The following CYP7B1 variants were observed in gnomAD, a reference collection of about 807,000 sequenced individuals.
CYP7B1 encodes the protein cytochrome P450 7B1.
Under a neutral mutation model 42.7 loss-of-function variants are expected in CYP7B1, and 29 were observed. The ratio of observed to expected loss-of-function variants is 0.68; its 90% CI spans 0.51 to 0.93. The LOEUF (loss-of-function observed/expected upper bound fraction) is 0.93. Ranked by LOEUF, CYP7B1 falls within the 40% of genes least tolerant of loss-of-function variation. The pLI, the probability that CYP7B1 is intolerant of heterozygous loss-of-function variation, is 0.00. For missense variants in CYP7B1, 655 were observed against 600.5 expected, an observed-to-expected ratio of 1.09 and a Z score of -0.95; for synonymous variants, 235 against 218.2, an observed-to-expected ratio of 1.08 and a Z score of -0.68.
At chr8:64,720,835 T>C (rs982899350) in intron 1 of CYP7B1, among the ~76,000 whole-genome samples, 2 of 152,110 alleles carry the variant, frequency 1.3e-5, no homozygotes, top group African/African-American at 4.8e-5. Context: ...GGTCTCTGGG[T>C]AATGAAAGTG....
chr8:64,654,757 C>T (rs957660222), intron 1 of CYP7B1, among the ~76,000 whole-genome samples: 9 of 152,130 alleles, frequency 5.9e-5, no homozygotes, highest in Non-Finnish European at 1.0e-4. Context: ...CATCACATAA[C>T]GCAACTTCAA....
intron 1 of CYP7B1, among the ~76,000 whole-genome samples, chr8:64,641,602 G>C (rs1410191295): frequency 6.6e-6 from 1 of 152,118 alleles, no homozygotes; most frequent in Admixed American, 6.6e-5. Flanking sequence ...ATGATAACTT[G>C]ATAGTTCTTA....
rs548646460 is a variant in CYP7B1, at chr8:64,595,955, T to C, written c.*687A>G. ...ATATAATAGGTTCTGTGTTTTCTTA[T>C]ACATTAAATCTTATCAGTATCTAAC... is the stretch of plus-strand genomic sequence containing the variant. On this transcript the variant is annotated 3_prime_UTR_variant, in exon 6 of 6. Coordinates refer to ENST00000310193, the MANE Select transcript of CYP7B1 (RefSeq NM_004820.5). Among the ~76,000 whole-genome samples, 17 of 152,366 alleles carry C rather than the reference T, an allele frequency of 1.1e-4. No homozygotes were observed. The highest frequency in any genetic ancestry group is 2.0e-4 in the Admixed American group (3 of 15,306).
intron 1 of CYP7B1, among the ~76,000 whole-genome samples, chr8:64,683,146 T>C (rs1054522977): frequency 1.3e-5 from 2 of 152,188 alleles, no homozygotes; most frequent in Non-Finnish European, 2.9e-5. Context: ...GCTTCCCCCA[T>C]TAACAGTGTA....
At chr8:64,634,773 T>G (rs1158905245) in intron 1 of CYP7B1, among the ~76,000 whole-genome samples, 1 of 151,950 alleles carries the variant, frequency 6.6e-6, no homozygotes, top group Non-Finnish European at 1.5e-5. Flanking sequence ...AAATTCACCA[T>G]GAGGACAAGC....
At chr8:64,644,826 TGTATAC>T in intron 1 of CYP7B1, among the ~76,000 whole-genome samples, 1 of 152,046 alleles carries the variant, frequency 6.6e-6, no homozygotes, top group South Asian at 2.1e-4. Flanking sequence ...TTGTTACATA[TGTATAC>T]ATGTGCCATG....
intron 1 of CYP7B1, among the ~76,000 whole-genome samples, chr8:64,775,894 A>G (rs985441721): frequency 2.0e-5 from 3 of 152,146 alleles, no homozygotes; most frequent in African/African-American, 7.2e-5. Flanking sequence ...TTGTGGAATC[A>G]TATCATTCCC....
intron 1 of CYP7B1, among the ~76,000 whole-genome samples, chr8:64,630,061 C>A (rs1308498814): frequency 1.3e-5 from 2 of 152,046 alleles, no homozygotes; most frequent in Admixed American, 6.6e-5. Context: ...AGGGCTATAC[C>A]CAAAGATATC....
intron 1 of CYP7B1, among the ~76,000 whole-genome samples, chr8:64,665,515 G>A (rs143446748): frequency 7.1e-6 from 1 of 140,666 alleles, no homozygotes; most frequent in Non-Finnish European, 1.5e-5. Context: ...TAGCCAAACT[G>A]CTTCACCTTT....
chr8:64,644,912 C>T, intron 1 of CYP7B1, among the ~76,000 whole-genome samples: 1 of 138,274 alleles, frequency 7.2e-6, no homozygotes, highest in East Asian at 2.4e-4. Flanking sequence ...CCTCCCCCCT[C>T]CCCCCATCCC....
At chr8:64,723,878 G>C (rs549939780) in intron 1 of CYP7B1, among the ~76,000 whole-genome samples, 4 of 152,068 alleles carry the variant, frequency 2.6e-5, no homozygotes, top group Non-Finnish European at 1.5e-5. Context: ...CGTTAAAAGA[G>C]TCTGTTAAAG....
intron 1 of CYP7B1, among the ~76,000 whole-genome samples, chr8:64,761,119 A>C (rs980409555): frequency 6.6e-6 from 1 of 152,108 alleles, no homozygotes; most frequent in Non-Finnish European, 1.5e-5. Flanking sequence ...TATCACTTAC[A>C]CGTGGAATCT....
At chr8:64,663,393 G>A (rs1385847057) in intron 1 of CYP7B1, among the ~76,000 whole-genome samples, 1 of 152,130 alleles carries the variant, frequency 6.6e-6, no homozygotes, top group Non-Finnish European at 1.5e-5. Context: ...ATGAATAAAT[G>A]ACTAAATAAA....
intron 1 of CYP7B1, among the ~76,000 whole-genome samples, chr8:64,691,664 A>G (rs1806747567): frequency 6.6e-6 from 1 of 152,238 alleles, no homozygotes; most frequent in Non-Finnish European, 1.5e-5. Flanking sequence ...ACTTTAGTGT[A>G]GCCTGAGGAA....
intron 1 of CYP7B1, among the ~76,000 whole-genome samples, chr8:64,758,954 G>C (rs1807847444): frequency 6.6e-6 from 1 of 152,190 alleles, no homozygotes. Context: ...GGGACATTCA[G>C]ACAATTTTAA....
At chr8:64,767,758 C>T (rs778309214) in intron 1 of CYP7B1, among the ~76,000 whole-genome samples, 1 of 152,188 alleles carries the variant, frequency 6.6e-6, no homozygotes, top group Non-Finnish European at 1.5e-5. Flanking sequence ...CTTTAACCTC[C>T]TTGTTTAAGC....
intron 1 of CYP7B1, among the ~76,000 whole-genome samples, chr8:64,625,407 C>G (rs1162397537): frequency 6.6e-6 from 1 of 152,284 alleles, no homozygotes; most frequent in East Asian, 1.9e-4. Flanking sequence ...TTCCCGTCAT[C>G]ATAGGTAGGT....
chr8:64,666,482 A>T (rs2129631555), intron 1 of CYP7B1, among the ~76,000 whole-genome samples: 1 of 152,326 alleles, frequency 6.6e-6, no homozygotes, highest in African/African-American at 2.4e-5. Context: ...TTTAGAGAGA[A>T]TTGCTCAGAG....
chr8:64,612,844 C>G (rs1252306836), intron 4 of CYP7B1, among the ~76,000 whole-genome samples: 1 of 152,086 alleles, frequency 6.6e-6, no homozygotes, highest in Admixed American at 6.5e-5. Context: ...ACACATACCA[C>G]GTGGCACATG....
Sources: allele counts gnomAD v4.1 joint callset (sites outside exome capture counted in the v4.1 genomes callset), GRCh38; gene constraint gnomAD v4.1.1; transcripts MANE v1.5; gene names NCBI Gene and HGNC (gene_info 2026-07-23, HGNC 2026-07-21).